Variants in PLAGL1 observed in about 807,000 individuals in gnomAD.
The protein encoded by PLAGL1 is PLAG1 like zinc finger 1, also known as zinc finger protein PLAGL1.
In PLAGL1, 1 loss-of-function variant was observed where a neutral mutation model predicts 4.6. The ratio of observed to expected loss-of-function variants is 0.22; its 90% CI spans 0.08 to 1.03. The LOEUF (loss-of-function observed/expected upper bound fraction) is 1.03. PLAGL1 is among the 50% of genes least tolerant of loss of function. PLAGL1 has a pLI of 0.58. For missense variants in PLAGL1, 464 were observed against 570.4 expected (o/e 0.81, Z 1.90); for synonymous variants, 240 against 237.8 (o/e 1.01, Z -0.08).
At position 143,950,426 on chromosome 6, in the gene PLAGL1, C is replaced by T. The variant is rs766093378; in HGVS notation, c.-324-1966G>A. Among the ~76,000 whole-genome samples, 5 of 152,148 alleles carry T rather than the reference C, an allele frequency of 3.3e-5. No homozygotes were observed. Among genetic ancestry groups the T allele is most frequent in the Non-Finnish European group, 5.9e-5 (4 of 68,028 alleles). Reference sequence around the variant, plus strand: ...CTTCTAGGAATTCTATTCCGCCTGCCGAGTTTGCTCTGCTAGGTATCATGA... The same window carrying T: ...CTTCTAGGAATTCTATTCCGCCTGCTGAGTTTGCTCTGCTAGGTATCATGA... On this transcript the variant is annotated intron_variant, in intron 6 of 7. Coordinates refer to ENST00000674357, the MANE Select transcript of PLAGL1 (RefSeq NM_001317162.2). The surrounding 1 kb of genome is among the most constrained non-coding windows in gnomAD (Gnocchi z 6.3).
Position 143,955,294 on chromosome 6 carries a change from A to G in PLAGL1, c.-325+5175T>C, listed in dbSNP as rs1781885792. 6.6e-6 allele frequency among the ~76,000 whole-genome samples: 1 copy of G among 152,216 alleles called. No homozygotes were observed. The highest frequency in any genetic ancestry group is 2.1e-4 in the South Asian group (1 of 4,832). ...GGGAATGAATCCAACCACCTGGAGAATAAGTGGTTCAGTAAGACTGGAATA... is the reference window on the plus strand; with the variant it reads ...GGGAATGAATCCAACCACCTGGAGAGTAAGTGGTTCAGTAAGACTGGAATA... On this transcript the variant is annotated intron_variant, in intron 6 of 7. Transcript: ENST00000674357. This position sits in a 1 kb window ranked among gnomAD's most constrained non-coding sequence, Gnocchi z 4.9.
At chr6:144,007,986 C>T (rs1204747640) in intron 1 of PLAGL1, 104 bp downstream of exon 1, 2 of 151,964 alleles carry the variant, frequency 1.3e-5, no homozygotes, top group African/African-American at 2.4e-5. Flanking sequence ...AAAGGCACAC[C>T]CTCCTCGCGG....
In PLAGL1 at chr6:143,984,431, T is replaced by C. The variant is rs9403542; in HGVS notation, c.-544+704A>G. Among the ~76,000 whole-genome samples the C allele has an allele frequency of 0.53, 80,151 of 151,922 alleles. 22,818 individuals are homozygous for C. Among genetic ancestry groups the C allele is most frequent in the East Asian group, 0.72 (3,717 of 5,162 alleles). On this transcript the variant is annotated intron_variant, in intron 2 of 7. Transcript: ENST00000674357. The surrounding 1 kb of genome is among the most constrained non-coding windows in gnomAD (Gnocchi z 5.5). ...ATTTTAACTCAGCTTTTTTCCCAAATTTAAATGACCATATGCTCATTTTCC... is the reference window on the plus strand; with the variant it reads ...ATTTTAACTCAGCTTTTTTCCCAAACTTAAATGACCATATGCTCATTTTCC...
intron 1 of PLAGL1, among the ~76,000 whole-genome samples, chr6:144,018,734 T>C (rs576502296): frequency 2.0e-5 from 3 of 152,246 alleles, no homozygotes; most frequent in Admixed American, 2.0e-4. Context: ...AAAAAGTTAA[T>C]ATCACCAGTA....
intron 6 of PLAGL1, among the ~76,000 whole-genome samples, chr6:143,956,247 G>A (rs142173066): frequency 1.7e-3 from 259 of 152,302 alleles, no homozygotes; most frequent in African/African-American, 6.0e-3. Flanking sequence ...TGGGGGTAAG[G>A]AGGAATTTGT....
Position 143,941,161 on chromosome 6 carries a change from G to A in PLAGL1, c.*263C>T, listed in dbSNP as rs911105928. 6.8e-5 allele frequency: 21 copies of A among 307,908 alleles called. No individual in the cohort carries two copies. Among genetic ancestry groups the A allele is most frequent in the African/African-American group, 1.3e-4 (6 of 46,426 alleles). 19.1% of individuals were successfully genotyped at this position (307,908 alleles called of 1,614,324 possible). On this transcript the variant is annotated 3_prime_UTR_variant, in exon 8 of 8. Transcript: ENST00000674357. The surrounding 1 kb of genome is among the most constrained non-coding windows in gnomAD (Gnocchi z 6.0). ...TGACAAACACTTATATATAGCAGCC[G>A]TCATTTTGGATGTTGGTTATGACAA...
intron 7 of PLAGL1, among the ~76,000 whole-genome samples, chr6:143,946,134 C>T (rs753356439): frequency 2.6e-5 from 4 of 152,206 alleles, no homozygotes; most frequent in Non-Finnish European, 5.9e-5. Flanking sequence ...TATGAAAAGT[C>T]AGCCTTCGGT....
rs184916376 is a variant in PLAGL1 at position 143,955,515 on chromosome 6, A to G, written c.-325+4954T>C. Among the ~76,000 whole-genome samples the G allele has an allele frequency of 1.6e-3, 251 of 152,300 alleles. 2 individuals are homozygous for G. Among genetic ancestry groups the G allele is most frequent in the African/African-American group, 5.5e-3 (228 of 41,566 alleles). ...GAGGGCGGGAAGAGAAGAGGTAGAA[A>G]TAGGTAGAGAATGCCAATAAAATGC... is the stretch of plus-strand genomic sequence containing the variant. On this transcript the variant is annotated intron_variant, in intron 6 of 7. Transcript: ENST00000674357. The surrounding 1 kb of genome is among the most constrained non-coding windows in gnomAD (Gnocchi z 4.9).
At position 143,979,642 on chromosome 6, in the gene PLAGL1, A is replaced by C. The variant is rs6570598; in HGVS notation, c.-544+5493T>G. ...TGACCTTTGTGCAATTATTGTTGTA[A>C]CTTTTGCTTTTATATGTTATATACC... On this transcript the variant is annotated intron_variant, in intron 2 of 7. Coordinates refer to ENST00000674357, the MANE Select transcript of PLAGL1 (RefSeq NM_001317162.2). This position sits in a 1 kb window ranked among gnomAD's most constrained non-coding sequence, Gnocchi z 4.6. Among the ~76,000 whole-genome samples the C allele has an allele frequency of 0.79, 119,824 of 151,830 alleles. 47,938 individuals are homozygous for C. The highest frequency in any genetic ancestry group is 0.88 in the East Asian group (4,539 of 5,176).
rs141297168 is a variant in PLAGL1 at position 144,058,057 on chromosome 6, G to A, written c.-151+6411C>T. ...AGGCCATCTTTGCATCACTATACAGGAATAACTGAGACTGGTTAATTTACA... is the reference window on the plus strand; with the variant it reads ...AGGCCATCTTTGCATCACTATACAGAAATAACTGAGACTGGTTAATTTACA... On this transcript the variant is annotated intron_variant, in intron 1 of 3. Coordinates refer to the PLAGL1 transcript ENST00000437412. 3.7e-3 allele frequency among the ~76,000 whole-genome samples: 569 copies of A among 152,190 alleles called. 2 individuals carry two copies. The highest frequency in any genetic ancestry group is 5.3e-3 in the Non-Finnish European group (360 of 68,012).
rs372197680 is a variant in PLAGL1, at chr6:144,048,652, G to GAGC, written c.-151+15813_-151+15815dup. ...GGGTGCCAAGTCCTGAGGCTACACA[G>GAGC]AGCAGCATCAGGGCTGTAAGCCAGG... is the stretch of plus-strand genomic sequence containing the variant. On this transcript the variant is annotated intron_variant, in intron 1 of 3. Coordinates refer to the PLAGL1 transcript ENST00000437412. The surrounding 1 kb of genome is among the most constrained non-coding windows in gnomAD (Gnocchi z 4.8). 1.1e-3 allele frequency among the ~76,000 whole-genome samples: 173 copies of GAGC among 152,346 alleles called. No homozygotes were observed. The highest frequency in any genetic ancestry group is 4.0e-3 in the African/African-American group (168 of 41,584).
Position 144,048,528 on chromosome 6 carries a change from C to T in PLAGL1, c.-151+15940G>A, listed in dbSNP as rs117489201. ...TTCTTGACTTCTGTGCACCCTCAGACCCAACACTATATGGAAGCCTCCAAG... is the reference window on the plus strand; with the variant it reads ...TTCTTGACTTCTGTGCACCCTCAGATCCAACACTATATGGAAGCCTCCAAG... On this transcript the variant is annotated intron_variant, in intron 1 of 3. Coordinates refer to the PLAGL1 transcript ENST00000437412. This position sits in a 1 kb window ranked among gnomAD's most constrained non-coding sequence, Gnocchi z 4.8. 5.7e-3 allele frequency among the ~76,000 whole-genome samples: 861 copies of T among 152,340 alleles called. 8 individuals are homozygous for T. The highest frequency in any genetic ancestry group is 7.6e-3 in the Non-Finnish European group (518 of 68,030).
chr6:144,033,132 G>C (rs1265183167), intron 1 of PLAGL1, among the ~76,000 whole-genome samples: 1 of 152,168 alleles, frequency 6.6e-6, no homozygotes, highest in Non-Finnish European at 1.5e-5. Flanking sequence ...AATGGGAAGA[G>C]CATGCTAGGT....
intron 1 of PLAGL1, among the ~76,000 whole-genome samples, chr6:144,060,692 A>G (rs1370502659): frequency 5.3e-5 from 8 of 152,128 alleles, no homozygotes; most frequent in Admixed American, 2.6e-4. Context: ...CAACGAAGAG[A>G]TTCTTATTCA....
At chr6:144,008,895 G>A (rs1469251719), upstream of PLAGL1, 1 of 152,182 alleles carries the variant, frequency 6.6e-6, no homozygotes, top group Non-Finnish European at 1.5e-5. The surrounding 1 kb of genome is among the most constrained non-coding windows in gnomAD (Gnocchi z 6.9). Flanking sequence ...CGCAGAAAGG[G>A]TAGACAGAAG....
chr6:143,943,183 C>T (rs1379189884), intron 7 of PLAGL1, among the ~76,000 whole-genome samples: 1 of 151,618 alleles, frequency 6.6e-6, no homozygotes, highest in Non-Finnish European at 1.5e-5. Flanking sequence ...TTAAAGAGAA[C>T]ATGTTTTTTT....
chr6:143,998,391 A>T (rs1792129828), intron 1 of PLAGL1, among the ~76,000 whole-genome samples: 1 of 152,222 alleles, frequency 6.6e-6, no homozygotes, highest in Admixed American at 6.5e-5. Context: ...AAGAGCTTTG[A>T]TTCAGACAAA....
At chr6:144,038,917 C>T (rs1797495076) in intron 1 of PLAGL1, among the ~76,000 whole-genome samples, 1 of 152,092 alleles carries the variant, frequency 6.6e-6, no homozygotes, top group Non-Finnish European at 1.5e-5. Flanking sequence ...TACTAAAAGC[C>T]ATTTTAAATG....
In PLAGL1 at chr6:144,039,831, C is replaced by A. The variant is rs749281931; in HGVS notation, c.-151+24637G>T. ...GATATATCTGCAAGAATGTTCACAGCAAATCTCTTTGTAGTAGCAAAAGGC... is the reference window on the plus strand; with the variant it reads ...GATATATCTGCAAGAATGTTCACAGAAAATCTCTTTGTAGTAGCAAAAGGC... On this transcript the variant is annotated intron_variant, in intron 1 of 3. Coordinates refer to the PLAGL1 transcript ENST00000437412. The surrounding 1 kb of genome is among the most constrained non-coding windows in gnomAD (Gnocchi z 4.1). Among the ~76,000 whole-genome samples the A allele has an allele frequency of 6.6e-6, 1 of 152,066 alleles. No homozygotes were observed. Among genetic ancestry groups the A allele is most frequent in the Non-Finnish European group, 1.5e-5 (1 of 68,004 alleles).
Sources: allele counts gnomAD v4.1 joint callset (sites outside exome capture counted in the v4.1 genomes callset), GRCh38; gene constraint gnomAD v4.1.1; non-coding constraint Gnocchi (gnomAD v3.1); transcripts MANE v1.5; gene names NCBI Gene and HGNC (gene_info 2026-07-23, HGNC 2026-07-21).